ADAM19: variants seen among roughly 807,000 people sequenced by gnomAD.
The protein encoded by ADAM19 is ADAM metallopeptidase domain 19, also known as disintegrin and metalloproteinase domain-containing protein 19.
Under a neutral mutation model 114.7 loss-of-function variants are expected in ADAM19, and 65 were observed. That is an observed-to-expected ratio of 0.57 (90% CI 0.46 to 0.70). ADAM19 has a LOEUF of 0.70. Among genes scored for constraint, ADAM19 ranks in the 30% least tolerant of loss-of-function variants. The probability of loss-of-function intolerance (pLI) is 0.00; values close to 1 mark genes in which losing one functional copy is unlikely to be tolerated. For synonymous variants in ADAM19, 466 were observed against 460.5 expected, an observed-to-expected ratio of 1.01 and a Z score of -0.15; for missense variants, 1,063 against 1,204.7, an observed-to-expected ratio of 0.88 and a Z score of 1.74.
chr5:157,480,645 C>T lies in ADAM19; in HGVS notation c.*304G>A. 1.2e-5 allele frequency: 14 copies of T among 1,193,176 alleles called. No homozygotes were observed. Among genetic ancestry groups the T allele is most frequent in the Admixed American group, 4.0e-5 (1 of 25,278 alleles). The allele number at this position is 1,193,176 out of a possible 1,614,324, so 73.9% of individuals were successfully genotyped here. A position where few individuals can be genotyped will look rare whatever the true frequency, so the allele number is the denominator to read the frequency against. Reference sequence around the variant, plus strand: ...CTGGCCTTGAGCATCTCCATCAGCACCTCGGGGCTAGGAGTCTGGAGGAGA... The same window carrying T: ...CTGGCCTTGAGCATCTCCATCAGCATCTCGGGGCTAGGAGTCTGGAGGAGA... On this transcript the variant is annotated 3_prime_UTR_variant, in exon 23 of 23. Coordinates refer to ENST00000257527, the MANE Select transcript of ADAM19 (RefSeq NM_033274.5).
chr5:157,492,443 T>C (rs924843466), intron 16 of ADAM19, among the ~76,000 whole-genome samples: 2 of 152,220 alleles, frequency 1.3e-5, no homozygotes, highest in African/African-American at 4.8e-5. Context: ...ACGACAAATA[T>C]ATTGTTAAAG....
chr5:157,533,742 G>A (rs753886110), intron 4 of ADAM19, among the ~76,000 whole-genome samples: 5 of 151,844 alleles, frequency 3.3e-5, no homozygotes, highest in African/African-American at 7.3e-5. Flanking sequence ...CAAGGTGGGC[G>A]AATCATGAGG....
chr5:157,510,545 T>C (rs922050376), intron 8 of ADAM19, among the ~76,000 whole-genome samples: 7 of 152,230 alleles, frequency 4.6e-5, no homozygotes, highest in Admixed American at 1.3e-4. Flanking sequence ...ATCGGTGAGA[T>C]CCCTCATGTC....
At chr5:157,485,134 C>G (rs547284905) in intron 21 of ADAM19, among the ~76,000 whole-genome samples, 1 of 152,222 alleles carries the variant, frequency 6.6e-6, no homozygotes, top group African/African-American at 2.4e-5. Context: ...ATCTTCAACT[C>G]GTTATCTATT....
chr5:157,545,518 T>C (rs1227616196), intron 3 of ADAM19, among the ~76,000 whole-genome samples: 1 of 152,224 alleles, frequency 6.6e-6, no homozygotes, highest in Non-Finnish European at 1.5e-5. Context: ...TCCCTCATTC[T>C]ATGCGTTGCC....
At chr5:157,527,698 G>C (rs1442401207) in intron 5 of ADAM19, among the ~76,000 whole-genome samples, 1 of 152,024 alleles carries the variant, frequency 6.6e-6, no homozygotes, top group African/African-American at 2.4e-5. Context: ...ACATATCTAC[G>C]TTCTTTTTTC....
At chr5:157,527,591 G>A (rs2113751937) in intron 5 of ADAM19, among the ~76,000 whole-genome samples, 1 of 152,260 alleles carries the variant, frequency 6.6e-6, no homozygotes, top group East Asian at 1.9e-4. Context: ...CTGCTCCCAT[G>A]ATTCAATCAC....
intron 3 of ADAM19, among the ~76,000 whole-genome samples, chr5:157,563,461 T>C (rs1757566308): frequency 6.6e-6 from 1 of 152,212 alleles, no homozygotes; most frequent in Non-Finnish European, 1.5e-5. Context: ...TCCTTTTGTA[T>C]ACAGGAAGGT....
intron 6 of ADAM19, among the ~76,000 whole-genome samples, chr5:157,519,357 C>A (rs1413959127): frequency 6.6e-6 from 1 of 152,204 alleles, no homozygotes; most frequent in Non-Finnish European, 1.5e-5. Flanking sequence ...CAGGGTCTCG[C>A]TCTGTCACCC....
chr5:157,511,241 T>C (rs1581315267), intron 8 of ADAM19, among the ~76,000 whole-genome samples: 1 of 152,170 alleles, frequency 6.6e-6, no homozygotes, highest in Non-Finnish European at 1.5e-5. Context: ...GGAGATACCA[T>C]CTTTATCCAA....
intron 5 of ADAM19, among the ~76,000 whole-genome samples, chr5:157,525,315 G>C (rs1410454050): frequency 6.6e-6 from 1 of 152,188 alleles, no homozygotes; most frequent in Admixed American, 6.5e-5. Flanking sequence ...GGCTGGCTGT[G>C]TGTATATGAG....
At chr5:157,499,494 A>T in intron 13 of ADAM19, 79 bp downstream of exon 13, 1 of 1,275,466 alleles carries the variant, frequency 7.8e-7, no homozygotes, top group Non-Finnish European at 1.1e-6. Context: ...GCAAATCCCC[A>T]GCCATCCACC....
intron 4 of ADAM19, among the ~76,000 whole-genome samples, chr5:157,534,124 C>T (rs1756699035): frequency 6.6e-6 from 1 of 152,158 alleles, no homozygotes; most frequent in African/African-American, 2.4e-5. Context: ...ATTTACAGAG[C>T]TTTCACATAC....
chr5:157,515,363 A>G (rs1421781132), intron 7 of ADAM19, among the ~76,000 whole-genome samples: 1 of 152,210 alleles, frequency 6.6e-6, no homozygotes, highest in African/African-American at 2.4e-5. Context: ...TCTTCAAAGA[A>G]CTGCCCAATG....
intron 3 of ADAM19, among the ~76,000 whole-genome samples, chr5:157,542,416 C>T (rs761209823): frequency 1.3e-5 from 2 of 152,192 alleles, no homozygotes; most frequent in African/African-American, 2.4e-5. Context: ...GAGGGAAAGT[C>T]GGAATGCTTT....
Position 157,530,838 on chromosome 5 carries a change from TG to T in ADAM19, c.375del (p.Ser126AlafsTer13). ...CCTCGGCAAGTGCTGAGCGTGACGC[TG>T]GACAGTTCTGTCTCCCTCACCGTGC... ...YHGTVRETEL[S>X]SVTLSTCRGI... is the part of the protein sequence containing the mutation. On this transcript the variant is annotated frameshift_variant, in exon 5 of 23. Transcript: ENST00000257527. LOFTEE classifies it high-confidence loss of function. 1 of 1,614,214 alleles carries T rather than the reference TG, an allele frequency of 6.2e-7. No homozygotes were observed. Among genetic ancestry groups the T allele is most frequent in the Non-Finnish European group, 8.5e-7 (1 of 1,180,034 alleles).
At chr5:157,563,922 A>C (rs1465514225) in intron 3 of ADAM19, among the ~76,000 whole-genome samples, 2 of 152,174 alleles carry the variant, frequency 1.3e-5, no homozygotes, top group African/African-American at 2.4e-5. Context: ...ATGCGGCTGA[A>C]CCAGAACACA....
At chr5:157,520,714 C>T (rs962429750) in intron 5 of ADAM19, among the ~76,000 whole-genome samples, 26 of 152,338 alleles carry the variant, frequency 1.7e-4, no homozygotes, top group African/African-American at 6.0e-4. Context: ...CTAGATGCAT[C>T]AGTGATGACA....
In ADAM19 at chr5:157,530,835, C is replaced by G. The variant is rs200776477; in HGVS notation, c.379G>C (p.Val127Leu). The change falls in exon 5 of 23, where the codon GTC becomes CTC. Residue 127 changes from valine (V) to leucine (L), a missense_variant. Transcript: ENST00000257527. ...ATTCCTCGGCAAGTGCTGAGCGTGA[C>G]GCTGGACAGTTCTGTCTCCCTCACC... Reference protein sequence around the residue: ...GTVRETELSSVTLSTCRGIRG... With the variant: ...GTVRETELSSLTLSTCRGIRG... The G allele has an allele frequency of 5.6e-6, 9 of 1,614,208 alleles. No individual in the cohort carries two copies. Among genetic ancestry groups the G allele is most frequent in the Non-Finnish European group, 7.6e-6 (9 of 1,180,048 alleles).
Sources: allele counts gnomAD v4.1 joint callset (sites outside exome capture counted in the v4.1 genomes callset), GRCh38; gene constraint gnomAD v4.1.1; transcripts MANE v1.5; gene names NCBI Gene and HGNC (gene_info 2026-07-23, HGNC 2026-07-21).